The following CEP128 variants were observed in gnomAD, a reference collection of about 807,000 sequenced individuals.
CEP128 encodes the protein centrosomal protein 128kDa.
CEP128 carries 132 observed loss-of-function variants against 156.7 expected under a neutral mutation model. The observed-to-expected ratio is 0.84, with a 90% CI of 0.73 to 0.97. The LOEUF (loss-of-function observed/expected upper bound fraction) is 0.97. Ranked by LOEUF, CEP128 falls within the 50% of genes least tolerant of loss-of-function variation. The probability of loss-of-function intolerance (pLI) is 0.00; values close to 1 mark genes in which losing one functional copy is unlikely to be tolerated. For missense variants in CEP128, 1,252 were observed against 1,281.9 expected (o/e 0.98, Z 0.36); for synonymous variants, 469 against 448.9 (o/e 1.04, Z -0.57).
At chr14:80,483,790 A>G (rs1235574800) in intron 14 of CEP128, among the ~76,000 whole-genome samples, 1 of 152,228 alleles carries the variant, frequency 6.6e-6, no homozygotes, top group East Asian at 1.9e-4. Context: ...TTAGAAATAC[A>G]GTAATCATGT....
chr14:80,765,733 G>C (rs1042871130), intron 16 of CEP128, among the ~76,000 whole-genome samples: 9 of 152,134 alleles, frequency 5.9e-5, no homozygotes, highest in African/African-American at 2.2e-4. Context: ...GGCTGAGTTT[G>C]AGAAAGAACC....
intron 21 of CEP128, among the ~76,000 whole-genome samples, chr14:80,540,290 G>A (rs747064679): frequency 5.3e-5 from 8 of 151,126 alleles, no homozygotes; most frequent in African/African-American, 1.9e-4. Flanking sequence ...CACCCCTGGC[G>A]GCCCAGCTGT....
intron 8 of CEP128, among the ~76,000 whole-genome samples, chr14:80,864,895 T>G (rs1887694861): frequency 6.6e-6 from 1 of 152,206 alleles, no homozygotes; most frequent in African/African-American, 2.4e-5. Flanking sequence ...TGAAACATAA[T>G]TTCATGTATT....
At chr14:80,556,961 T>A (rs1291792230) in intron 21 of CEP128, among the ~76,000 whole-genome samples, 2 of 152,224 alleles carry the variant, frequency 1.3e-5, no homozygotes, top group Admixed American at 1.3e-4. Flanking sequence ...AAGGACTTCA[T>A]AATATTTGAT....
chr14:80,647,126 TACACACAC>T (rs1303390846), intron 19 of CEP128, among the ~76,000 whole-genome samples: 5 of 88,084 alleles, frequency 5.7e-5, no homozygotes, highest in South Asian at 4.9e-4. Context: ...CACACACACA[TACACACAC>T]ACACACACAC....
At chr14:80,754,305 T>C (rs1208153194) in intron 18 of CEP128, among the ~76,000 whole-genome samples, 1 of 152,170 alleles carries the variant, frequency 6.6e-6, no homozygotes, top group African/African-American at 2.4e-5. Context: ...TTTGCATGTT[T>C]GCTCTTTGCT....
chr14:80,690,850 T>C (rs1268731227), intron 19 of CEP128, among the ~76,000 whole-genome samples: 2 of 152,064 alleles, frequency 1.3e-5, no homozygotes, highest in Non-Finnish European at 2.9e-5. Flanking sequence ...CTTAGAAAGG[T>C]TTTTTCTTCA....
chr14:80,903,595 A>C (rs542123291), intron 6 of CEP128, among the ~76,000 whole-genome samples: 1 of 152,172 alleles, frequency 6.6e-6, no homozygotes, highest in East Asian at 1.9e-4. Flanking sequence ...TCTGCAAACC[A>C]TATGTCTGAC....
At chr14:80,506,127 T>C (rs1162838873) in intron 23 of CEP128, among the ~76,000 whole-genome samples, 4 of 151,674 alleles carry the variant, frequency 2.6e-5, no homozygotes, top group South Asian at 2.1e-4. Flanking sequence ...CAGGCGAAAA[T>C]GTATTGGTGG....
At chr14:80,871,703 T>C (rs1888036184) in intron 8 of CEP128, among the ~76,000 whole-genome samples, 1 of 152,154 alleles carries the variant, frequency 6.6e-6, no homozygotes. Context: ...ATTAGAAATG[T>C]AATCCAATAC....
At chr14:80,650,256 A>C (rs1457314224) in intron 19 of CEP128, among the ~76,000 whole-genome samples, 1 of 152,106 alleles carries the variant, frequency 6.6e-6, no homozygotes, top group Non-Finnish European at 1.5e-5. Flanking sequence ...TGCTTTTTGC[A>C]AATTGATTTT....
intron 20 of CEP128, among the ~76,000 whole-genome samples, chr14:80,560,666 A>G (rs1890631192): frequency 6.6e-6 from 1 of 152,046 alleles, no homozygotes; most frequent in Admixed American, 6.6e-5. Context: ...GCACAATCTA[A>G]TCAGCTGCCA....
intron 19 of CEP128, among the ~76,000 whole-genome samples, chr14:80,635,843 G>T (rs994173532): frequency 6.6e-6 from 1 of 152,132 alleles, no homozygotes; most frequent in Non-Finnish European, 1.5e-5. Flanking sequence ...TTCGTGATAG[G>T]CTGCAGTCAA....
intron 23 of CEP128, among the ~76,000 whole-genome samples, chr14:80,514,865 G>A (rs971373743): frequency 3.3e-5 from 5 of 152,278 alleles, no homozygotes; most frequent in Admixed American, 1.3e-4. Flanking sequence ...TCCTTTCTGA[G>A]AAGGGTTTCC....
At chr14:80,859,489 T>C (rs1436092749) in intron 9 of CEP128, among the ~76,000 whole-genome samples, 2 of 151,746 alleles carry the variant, frequency 1.3e-5, no homozygotes, top group African/African-American at 4.8e-5. Flanking sequence ...ATGGCACATG[T>C]ATACATATGT....
chr14:80,860,823 GA>G (rs1210843578), intron 9 of CEP128, among the ~76,000 whole-genome samples: 1 of 151,776 alleles, frequency 6.6e-6, no homozygotes, highest in African/African-American at 2.4e-5. Context: ...AATTAACAGT[GA>G]AAAAAACTTT....
chr14:80,653,537 AAAG>A (rs1895002244), intron 19 of CEP128, among the ~76,000 whole-genome samples: 1 of 152,178 alleles, frequency 6.6e-6, no homozygotes, highest in Non-Finnish European at 1.5e-5. Context: ...CCTTATGTTG[AAAG>A]AAGATGCCAT....
At chr14:80,928,679 C>T (rs866753883) in intron 2 of CEP128, among the ~76,000 whole-genome samples, 39 of 151,956 alleles carry the variant, frequency 2.6e-4, no homozygotes, top group African/African-American at 8.2e-4. Flanking sequence ...GAATCACAGG[C>T]GTTCCTGAGA....
At chr14:80,575,935 AAAAG>A (rs1202001116) in intron 20 of CEP128, among the ~76,000 whole-genome samples, 5 of 152,188 alleles carry the variant, frequency 3.3e-5, no homozygotes, top group Non-Finnish European at 7.3e-5. Flanking sequence ...AAATAAAATG[AAAAG>A]AGAGATGACC....
Sources: gnomAD v4.1 joint callset for allele counts (sites outside exome capture counted in the v4.1 genomes callset) on GRCh38, gnomAD v4.1.1 for gene constraint, MANE v1.5 for transcripts, NCBI Gene and HGNC (gene_info 2026-07-23, HGNC 2026-07-21) for gene names.